UBR2: variants seen among roughly 807,000 people sequenced by gnomAD.
UBR2 encodes the protein E3 ubiquitin-protein ligase UBR2.
UBR2 carries 92 observed loss-of-function variants against 247.9 expected under a neutral mutation model. The ratio of observed to expected loss-of-function variants is 0.37; its 90% confidence interval spans 0.31 to 0.44. The LOEUF is 0.44. UBR2 is among the 20% of genes least tolerant of loss of function. The pLI, the probability that UBR2 is intolerant of heterozygous loss-of-function variation, is 1.00. For missense variants in UBR2, 1,613 were observed against 2,112.6 expected, an observed-to-expected ratio of 0.76 and a Z score of 4.64; for synonymous variants, 672 against 693.5, an observed-to-expected ratio of 0.97 and a Z score of 0.49.
At chr6:42,621,945 T>C (rs1795014497) in intron 11 of UBR2, among the ~76,000 whole-genome samples, 1 of 152,200 alleles carries the variant, frequency 6.6e-6, no homozygotes, top group African/African-American at 2.4e-5. Flanking sequence ...GATGTATTCC[T>C]TCATTCATTT....
At chr6:42,634,776 A>G (rs1795982478) in intron 13 of UBR2, among the ~76,000 whole-genome samples, 1 of 152,150 alleles carries the variant, frequency 6.6e-6, no homozygotes. Flanking sequence ...TCTAGTTCCT[A>G]GGTTGGGTGG....
At position 42,652,651 on chromosome 6, in the gene UBR2, T is replaced by C; in HGVS notation, c.2769+6T>C. On this transcript the variant is annotated splice_donor_region_variant and intron_variant, in intron 25 of 46. Coordinates refer to ENST00000372901, the MANE Select transcript of UBR2 (RefSeq NM_001363705.2). ...CAGAGTCCATGCTGCAAAGGGTAGG[T>C]TTGAAGACATTTATTATTTATATTT... is the stretch of plus-strand genomic sequence containing the variant. 1 of 1,604,468 alleles carries C rather than the reference T, an allele frequency of 6.2e-7. No homozygotes were observed. Among genetic ancestry groups the C allele is most frequent in the Non-Finnish European group, 8.5e-7 (1 of 1,177,670 alleles).
chr6:42,604,237 G>A (rs1473048722), intron 5 of UBR2, among the ~76,000 whole-genome samples: 1 of 152,110 alleles, frequency 6.6e-6, no homozygotes, highest in Non-Finnish European at 1.5e-5. Context: ...CCAGAGAGCT[G>A]GATTCTGCCA....
At position 42,658,128 on chromosome 6, in the gene UBR2, T is replaced by G. The variant is rs758440034; in HGVS notation, c.2977T>G (p.Leu993Val). 4 of 1,613,906 alleles carry G rather than the reference T, an allele frequency of 2.5e-6. No homozygotes were observed. Among genetic ancestry groups the G allele is most frequent in the Non-Finnish European group, 3.4e-6 (4 of 1,179,866 alleles). The change falls in exon 27 of 47, where the codon TTG becomes GTG. Residue 993 changes from leucine to valine, a missense_variant. Around this residue, in one of 3 missense-constraint regions of UBR2, gnomAD observed 1,524 missense variants for 1,967.3 expected, o/e 0.77. Coordinates refer to ENST00000372901, the MANE Select transcript of UBR2 (RefSeq NM_001363705.2). ...CCACAAAGACATGATTCGGTGGATA[T>G]TGAAGGTAAAATTTCCACATTCCTC... ...EVHKDMIRWI[L>V]KTFNAVKKMR...
chr6:42,631,707 T>A (rs1190871316), intron 11 of UBR2, among the ~76,000 whole-genome samples: 1 of 151,354 alleles, frequency 6.6e-6, no homozygotes, highest in African/African-American at 2.4e-5. Flanking sequence ...TGGGACATTG[T>A]CCCATATCAA....
chr6:42,683,674 T>C (rs1200266072), intron 43 of UBR2, among the ~76,000 whole-genome samples: 2 of 152,224 alleles, frequency 1.3e-5, no homozygotes, highest in Non-Finnish European at 2.9e-5. Flanking sequence ...CCCATGAGCA[T>C]TCCTTTAAGC....
intron 42 of UBR2, among the ~76,000 whole-genome samples, chr6:42,680,891 G>A (rs534498730): frequency 1.3e-5 from 2 of 151,214 alleles, no homozygotes; most frequent in Admixed American, 6.6e-5. Context: ...GCGGGGGCGC[G>A]GTGGCTCACG....
intron 4 of UBR2, among the ~76,000 whole-genome samples, chr6:42,595,718 TA>T (rs11452412): frequency 0.036 from 4,685 of 131,970 alleles, 51 homozygotes; most frequent in South Asian, 0.066. Context: ...ACCCTGTCTT[TA>T]AAAAAAAAAA....
At chr6:42,683,914 C>T (rs1037378071) in intron 43 of UBR2, among the ~76,000 whole-genome samples, 2 of 152,144 alleles carry the variant, frequency 1.3e-5, no homozygotes, top group African/African-American at 4.8e-5. Flanking sequence ...GATACTCAAC[C>T]CATATCTCTT....
intron 2 of UBR2, among the ~76,000 whole-genome samples, chr6:42,587,206 A>T (rs1276350233): frequency 6.6e-6 from 1 of 152,140 alleles, no homozygotes; most frequent in African/African-American, 2.4e-5. Context: ...GACAGGAAAA[A>T]ATATGTATAA....
intron 8 of UBR2, among the ~76,000 whole-genome samples, chr6:42,614,273 T>C (rs1350393528): frequency 6.9e-6 from 1 of 144,616 alleles, no homozygotes; most frequent in African/African-American, 2.5e-5. Context: ...CACACACACG[T>C]ACATATATAT....
chr6:42,605,718 C>T lies in UBR2; in HGVS notation c.663-3C>T. On this transcript the variant is annotated splice_polypyrimidine_tract_variant and splice_region_variant and intron_variant, in intron 5 of 46. Coordinates refer to ENST00000372901, the MANE Select transcript of UBR2 (RefSeq NM_001363705.2). ...AATATATCATGAATATTTTATCACA[C>T]AGAGAGAAGAGTGACACCTACTATT... 6.3e-7 allele frequency: 1 copy of T among 1,593,534 alleles called. No individual in the cohort carries two copies. Among genetic ancestry groups the T allele is most frequent in the Non-Finnish European group, 8.5e-7 (1 of 1,174,436 alleles).
In UBR2 at chr6:42,650,291, G is replaced by A; in HGVS notation, c.2470G>A (p.Gly824Arg). The A allele has an allele frequency of 6.2e-7, 1 of 1,613,004 alleles. No homozygotes were observed. Among genetic ancestry groups the A allele is most frequent in the Non-Finnish European group, 8.5e-7 (1 of 1,179,372 alleles). The change falls in exon 23 of 47, where the codon GGA (glycine) becomes AGA (arginine). Residue 824 changes from glycine to arginine, a missense_variant. By Grantham distance (125) the Gly-to-Arg change is moderately radical. Transcript: ENST00000372901. ...IEAVAHFKKP[G>R]LTGRGMYELK... ...AGGTCCTTTCTTTCACAGGAAACCT[G>A]GATTAACAGGACGAGGCATGTATGA...
chr6:42,640,724 A>T (rs1418776627), intron 16 of UBR2, among the ~76,000 whole-genome samples: 1 of 150,976 alleles, frequency 6.6e-6, no homozygotes, highest in Non-Finnish European at 1.5e-5. Flanking sequence ...AGAGTCTATG[A>T]TTTTTTTTTA....
intron 2 of UBR2, among the ~76,000 whole-genome samples, chr6:42,590,327 A>G (rs748926497): frequency 4.6e-5 from 7 of 152,232 alleles, no homozygotes; most frequent in Non-Finnish European, 7.3e-5. Flanking sequence ...TCAACAATCA[A>G]TACTATAACT....
At chr6:42,601,513 A>G (rs1793354189) in intron 4 of UBR2, among the ~76,000 whole-genome samples, 1 of 151,982 alleles carries the variant, frequency 6.6e-6, no homozygotes, top group South Asian at 2.1e-4. Context: ...ATATGGAGAA[A>G]CCCTGTCTCT....
intron 16 of UBR2, 136 bp downstream of exon 16, chr6:42,640,406 G>A (rs1421816750): frequency 2.0e-6 from 1 of 510,334 alleles, no homozygotes; most frequent in Non-Finnish European, 3.4e-6. Flanking sequence ...GTGTGTGTGT[G>A]TGTGTGTGTG....
Position 42,632,610 on chromosome 6 carries a change from A to G in UBR2, c.1340A>G (p.Asp447Gly). ...LMSIIIKTFM[D>G]HLRHRDAQGR... ...AGCATTATCATTAAGACTTTTATGGATCATTTGAGACATCGAGATGCCCAG... is the reference window on the plus strand; with the variant it reads ...AGCATTATCATTAAGACTTTTATGGGTCATTTGAGACATCGAGATGCCCAG... The change falls in exon 12 of 47, where the codon GAT (aspartate) becomes GGT (glycine). Residue 447 changes from aspartate to glycine, a missense_variant. Physicochemically the swap from Asp to Gly is moderately conservative, Grantham distance 94 (BLOSUM62 -1). Around this residue, in one of 3 missense-constraint regions of UBR2, gnomAD observed 1,524 missense variants for 1,967.3 expected, o/e 0.77. Transcript: ENST00000372901. 1 of 1,613,346 alleles carries G rather than the reference A, an allele frequency of 6.2e-7. No homozygotes were observed. The highest frequency in any genetic ancestry group is 8.5e-7 in the Non-Finnish European group (1 of 1,179,744).
intron 21 of UBR2, among the ~76,000 whole-genome samples, 160 bp from the exon 22 acceptor site, chr6:42,647,958 T>C (rs929411761): frequency 6.6e-6 from 1 of 152,194 alleles, no homozygotes; most frequent in African/African-American, 2.4e-5. Context: ...TGTCTAGTTT[T>C]GTATTAATCA....
Sources: gnomAD v4.1 joint callset for allele counts (sites outside exome capture counted in the v4.1 genomes callset) on GRCh38, gnomAD v4.1.1 for gene constraint, gnomAD v4.1.1 regional missense constraint, MANE v1.5 for transcripts, NCBI Gene and HGNC (gene_info 2026-07-23, HGNC 2026-07-21) for gene names.